Variants in VPS13A observed in about 807,000 individuals in gnomAD.
The protein encoded by VPS13A is vacuolar protein sorting 13 homolog A.
In VPS13A, 264 loss-of-function variants were observed where a neutral mutation model predicts 390.9. The observed-to-expected ratio is 0.68, with a 90% confidence interval of 0.61 to 0.75. The LOEUF is 0.75. Ranked by LOEUF, VPS13A falls within the 30% of genes least tolerant of loss-of-function variation. The pLI is 0.00. For synonymous variants in VPS13A, 1,231 were observed against 1,227.1 expected (o/e 1.00, Z -0.07); for missense variants, 3,409 against 3,733.9 (o/e 0.91, Z 2.27).
At chr9:77,301,686 G>T (rs1564708577) in intron 33 of VPS13A, among the ~76,000 whole-genome samples, 2 of 152,142 alleles carry the variant, frequency 1.3e-5, no homozygotes, top group Non-Finnish European at 2.9e-5. Flanking sequence ...TGGTCACATT[G>T]TTACTTGAAG....
chr9:77,289,369 A>G (rs1827517981), intron 31 of VPS13A, among the ~76,000 whole-genome samples: 2 of 152,056 alleles, frequency 1.3e-5, no homozygotes, highest in Admixed American at 1.3e-4. Context: ...TGATATCTCT[A>G]ATTGTTTTCT....
chr9:77,340,663 T>G lies in VPS13A; in HGVS notation c.7026+113T>G, dbSNP rs979080992. 5.2e-6 allele frequency: 7 copies of G among 1,351,006 alleles called. No homozygotes were observed. The African/African-American group carries it at 7.3e-5, about 14-fold the overall frequency. 83.7% of individuals were successfully genotyped at this position (1,351,006 alleles called of 1,614,324 possible). On this transcript the variant is annotated intron_variant, in intron 50 of 71. Transcript: ENST00000360280. ...ACTCTCCCCTTACTCCAATTTTGTT[T>G]TAGTTTCATGAATCTTTATTGAATA...
intron 57 of VPS13A, 52 bp from the exon 58 acceptor site, chr9:77,359,281 C>A: frequency 6.7e-7 from 1 of 1,489,240 alleles, no homozygotes; most frequent in South Asian, 1.1e-5. Context: ...AAGAAAATGC[C>A]TAGCTTTTGC....
chr9:77,400,172 A>T (rs1054393354), intron 68 of VPS13A, among the ~76,000 whole-genome samples: 1 of 134,896 alleles, frequency 7.4e-6, no homozygotes, highest in East Asian at 2.1e-4. Context: ...ATTGATTTGC[A>T]TTTTCCTAAT....
intron 47 of VPS13A, chr9:77,337,831 G>A: frequency 3.8e-6 from 1 of 263,214 alleles, no homozygotes; most frequent in Non-Finnish European, 7.2e-6. Flanking sequence ...CATACTCTGT[G>A]TGGTTTCTTC....
chr9:77,295,555 A>T lies in VPS13A; in HGVS notation c.3521A>T (p.Asn1174Ile). ...FLYSILAFIDNFQAAKQALAE... is the reference protein window; with the variant it reads ...FLYSILAFIDIFQAAKQALAE... ...GTTATCTTACAGGCTTTTATAGATA[A>T]TTTTCAGGCAGCTAAACAAGCCTTG... Residue 1174 changes from asparagine to isoleucine, a missense_variant, in exon 33 of 72, where the codon AAT becomes ATT. This residue lies in a region of VPS13A where 2,717 missense variants were observed against 2,917.4 expected (regional missense o/e 0.93). Coordinates refer to ENST00000360280, the MANE Select transcript of VPS13A (RefSeq NM_033305.3). 6.2e-7 allele frequency: 1 copy of T among 1,607,274 alleles called. No homozygotes were observed.
At position 77,385,803 on chromosome 9, in the gene VPS13A, A is replaced by T. The variant is rs754892186; in HGVS notation, c.9189+3716A>T. 5.3e-5 allele frequency among the ~76,000 whole-genome samples: 8 copies of T among 152,140 alleles called. No homozygotes were observed. The East Asian group carries it at 7.7e-4, about 15-fold the overall frequency. ...TTTAATTTAACTGATTCAGCACATG[A>T]TTTCTGAGTCTCCTCTAATTCTTAG... On this transcript the variant is annotated intron_variant, in intron 68 of 71. Transcript: ENST00000360280.
chr9:77,293,217 C>T (rs1827776279), intron 31 of VPS13A, 124 bp from the exon 32 acceptor site: 1 of 844,564 alleles, frequency 1.2e-6, no homozygotes, highest in Non-Finnish European at 1.9e-6. Context: ...CTCATTTGTA[C>T]TTGGCTTGTG....
rs200035402 is a variant in VPS13A at position 77,337,361 on chromosome 9, A to G, written c.6202A>G (p.Arg2068Gly). 59 of 1,612,904 alleles carry G rather than the reference A, an allele frequency of 3.7e-5. 1 individual carries two copies. In the East Asian group the frequency reaches 1.3e-3, roughly 35 times the overall value. Reference protein sequence around the residue: ...NDGALLKKKCRSKNPSKESFL... With the variant: ...NDGALLKKKCGSKNPSKESFL... The stretch of plus-strand genomic sequence containing the variant: ...TGGTGCTCTTCTAAAGAAGAAATGT[A>G]GATCTAAAAACCCTTCTAAGGAATC... The change falls in exon 47 of 72, where the codon AGA becomes GGA. Residue 2068 changes from arginine (R) to glycine (G), a missense_variant. Around this residue, in one of 5 missense-constraint regions of VPS13A, gnomAD observed 2,717 missense variants for 2,917.4 expected, o/e 0.93. Coordinates refer to ENST00000360280, the MANE Select transcript of VPS13A (RefSeq NM_033305.3).
chr9:77,319,293 C>G (rs1829601661), intron 41 of VPS13A, among the ~76,000 whole-genome samples: 1 of 149,536 alleles, frequency 6.7e-6, no homozygotes, highest in Admixed American at 6.7e-5. Flanking sequence ...ATAATCTCTT[C>G]TAATAGAAAT....
In VPS13A at chr9:77,220,404, T is replaced by C. The variant is rs370802517; in HGVS notation, c.989+21T>C. On this transcript the variant is annotated intron_variant, in intron 12 of 71. Coordinates refer to ENST00000360280, the MANE Select transcript of VPS13A (RefSeq NM_033305.3). ...GAATGGTAAATGCCTTGATTTTTTT[T>C]TTTTTTTAGATTTTAAAAATACAAC... 1.1e-3 allele frequency: 1,703 copies of C among 1,523,384 alleles called. 27 individuals carry two copies. In the South Asian group the frequency reaches 0.019, roughly 17 times the overall value. The allele number at this position is 1,523,384 out of a possible 1,614,324, so 94.4% of individuals were successfully genotyped here. A position where few individuals can be genotyped will look rare whatever the true frequency, so the allele number is the denominator to read the frequency against.
intron 54 of VPS13A, 94 bp from the exon 55 acceptor site, chr9:77,356,620 T>C: frequency 7.3e-7 from 1 of 1,378,188 alleles, no homozygotes; most frequent in East Asian, 2.5e-5. Flanking sequence ...TTCTGAAATT[T>C]TAGTGAAGGT....
At chr9:77,227,270 T>C (rs1823570368) in intron 15 of VPS13A, 121 bp from the exon 16 acceptor site, 1 of 730,342 alleles carries the variant, frequency 1.4e-6, no homozygotes, top group African/African-American at 1.8e-5. Context: ...ATTCAGTGTT[T>C]ATAATTTCTT....
intron 32 of VPS13A, among the ~76,000 whole-genome samples, 185 bp downstream of exon 32, chr9:77,293,693 A>G (rs1458004960): frequency 6.6e-6 from 1 of 151,902 alleles, no homozygotes; most frequent in Non-Finnish European, 1.5e-5. Flanking sequence ...GTTTTGACAT[A>G]GGAATATTCT....
At chr9:77,178,989 G>C (rs1234205368) in intron 1 of VPS13A, among the ~76,000 whole-genome samples, 3 of 152,222 alleles carry the variant, frequency 2.0e-5, no homozygotes, top group African/African-American at 7.2e-5. Flanking sequence ...GATGGAGAGT[G>C]AGTGGACTAC....
intron 71 of VPS13A, among the ~76,000 whole-genome samples, chr9:77,414,152 T>C (rs1835065722): frequency 6.6e-6 from 1 of 152,234 alleles, no homozygotes; most frequent in Non-Finnish European, 1.5e-5. Flanking sequence ...GAGTGTAAAC[T>C]AGTTCAACCA....
intron 50 of VPS13A, among the ~76,000 whole-genome samples, chr9:77,343,868 TCTC>T (rs1296970153): frequency 2.0e-5 from 3 of 152,162 alleles, no homozygotes; most frequent in Admixed American, 6.5e-5. Flanking sequence ...TTTCAACCCT[TCTC>T]TGTAAGATCA....
chr9:77,234,008 G>T (rs1203460727), intron 17 of VPS13A, among the ~76,000 whole-genome samples: 4 of 152,086 alleles, frequency 2.6e-5, no homozygotes, highest in South Asian at 2.1e-4. Context: ...GTGTTATTGT[G>T]AGCTATTTCT....
rs116680442 is a variant in VPS13A, at chr9:77,290,572, G to C, written c.3340-2769G>C. On this transcript the variant is annotated intron_variant, in intron 31 of 71. Transcript: ENST00000360280. ...CTCTTCTTGAATTCCTGAAATTCTT[G>C]CTGGATTTCTGTTTATAGTCCCACA... is the stretch of plus-strand genomic sequence containing the variant. Among the ~76,000 whole-genome samples the C allele has an allele frequency of 5.9e-3, 863 of 146,028 alleles. 8 individuals are homozygous for C. The highest frequency in any genetic ancestry group is 0.022 in the Middle Eastern group (6 of 278).
Sources: gnomAD v4.1 joint callset for allele counts (sites outside exome capture counted in the v4.1 genomes callset) on GRCh38, gnomAD v4.1.1 for gene constraint, gnomAD v4.1.1 regional missense constraint, MANE v1.5 for transcripts, NCBI Gene and HGNC (gene_info 2026-07-23, HGNC 2026-07-21) for gene names.